Variants in ABTB2 observed in about 807,000 individuals in gnomAD.
The protein encoded by ABTB2 is ankyrin repeat and BTB domain containing 2, also known as ankyrin repeat and BTB/POZ domain-containing protein 2.
In ABTB2, 56 loss-of-function variants were observed where a neutral mutation model predicts 104.1. The observed-to-expected ratio is 0.54, with a 90% confidence interval of 0.43 to 0.67. ABTB2 has a LOEUF of 0.67. ABTB2 is among the 30% of genes least tolerant of loss of function. ABTB2 has a pLI of 0.00. For synonymous variants in ABTB2, 606 were observed against 608.2 expected (o/e 1.00, Z 0.05); for missense variants, 1,279 against 1,407.7 (o/e 0.91, Z 1.46).
chr11:34,235,782 T>C (rs1394068437), intron 1 of ABTB2, among the ~76,000 whole-genome samples: 2 of 152,228 alleles, frequency 1.3e-5, no homozygotes, highest in African/African-American at 4.8e-5. Context: ...TTCTGATCCA[T>C]GCTAGAGGCA....
intron 1 of ABTB2, among the ~76,000 whole-genome samples, chr11:34,331,377 T>C (rs1377079774): frequency 6.6e-6 from 1 of 152,216 alleles, no homozygotes; most frequent in Non-Finnish European, 1.5e-5. Context: ...AACAACCCCA[T>C]CTGAGGTTGC....
intron 1 of ABTB2, 81 bp from the exon 2 acceptor site, chr11:34,204,771 C>T (rs1290968598): frequency 3.5e-6 from 5 of 1,441,936 alleles, no homozygotes; most frequent in Non-Finnish European, 1.9e-6. Context: ...AGGCAGGGCT[C>T]AGCCCTGCTC....
At position 34,154,433 on chromosome 11, in the gene ABTB2, A is replaced by T; in HGVS notation, c.2767-55T>A. 1 of 1,282,748 alleles carries T rather than the reference A, an allele frequency of 7.8e-7. No homozygotes were observed. Among genetic ancestry groups the T allele is most frequent in the Non-Finnish European group, 1.1e-6 (1 of 902,054 alleles). The allele number at this position is 1,282,748 out of a possible 1,614,324, so 79.5% of individuals were successfully genotyped here. ...ACCCATGGCCAGACCAGTGGCCCAG[A>T]CAGCACCGAACAGAAAGCTCCCGAG... is the stretch of plus-strand genomic sequence containing the variant. On this transcript the variant is annotated intron_variant, in intron 15 of 16. Coordinates refer to ENST00000435224, the MANE Select transcript of ABTB2 (RefSeq NM_145804.3). This position sits in a 1 kb window ranked among gnomAD's most constrained non-coding sequence, Gnocchi z 4.9.
At position 34,152,514 on chromosome 11, in the gene ABTB2, T is replaced by A; in HGVS notation, c.2951A>T (p.Glu984Val). 1.9e-6 allele frequency: 3 copies of A among 1,611,428 alleles called. No individual in the cohort carries two copies. Among genetic ancestry groups the A allele is most frequent in the Non-Finnish European group, 2.5e-6 (3 of 1,179,342 alleles). ...FFLKHMKALLEQDAFRQLIYG... is the reference protein window; with the variant it reads ...FFLKHMKALLVQDAFRQLIYG... ...GATGAGCTGCCGGAAGGCATCCTGC[T>A]CCAGTAGGGCCTTCATGTGCTTGAG... is the stretch of plus-strand genomic sequence containing the variant. The change falls in exon 17 of 17, where the codon GAG becomes GTG. Residue 984 changes from glutamate to valine, a missense_variant. Transcript: ENST00000435224.
rs951030454 is a variant in ABTB2, at chr11:34,344,649, A to T, written c.883+12052T>A. Among the ~76,000 whole-genome samples, 8 of 152,160 alleles carry T rather than the reference A, an allele frequency of 5.3e-5. No individual in the cohort carries two copies. In the South Asian group the frequency reaches 1.4e-3, roughly 28 times the overall value. On this transcript the variant is annotated intron_variant, in intron 1 of 16. Transcript: ENST00000435224. ...GTAGCTGGGGCCACAGATGTGCACCATTATACCTGGCTAGTTTTTGTATTT... is the reference window on the plus strand; with the variant it reads ...GTAGCTGGGGCCACAGATGTGCACCTTTATACCTGGCTAGTTTTTGTATTT...
Position 34,154,328 on chromosome 11 carries a change from G to A in ABTB2, c.2817C>T (p.Cys939=), listed in dbSNP as rs369095020. 19 of 1,613,878 alleles carry A rather than the reference G, an allele frequency of 1.2e-5. No homozygotes were observed. The highest frequency in any genetic ancestry group is 1.7e-5 in the Admixed American group (1 of 59,992). ...TGAGGGTCTGGGAGCACAGGATCTC[G>A]CAGTGCCTCTGCAGGGCATCCAGCT... is the stretch of plus-strand genomic sequence containing the variant. ...LFQLDALQRH[C]EILCSQTLSM... The change falls in exon 16 of 17, where the codon TGC becomes TGT. Residue 939 remains cysteine (C), a synonymous_variant. Transcript: ENST00000435224. The surrounding 1 kb of genome is among the most constrained non-coding windows in gnomAD (Gnocchi z 4.9).
intron 1 of ABTB2, among the ~76,000 whole-genome samples, chr11:34,218,625 A>G (rs2092638): frequency 0.77 from 116,100 of 151,736 alleles, 44,872 homozygotes; most frequent in East Asian, 0.86. Context: ...TGAGGTGGGC[A>G]GATCACCTGA....
chr11:34,263,114 T>G (rs1025597335), intron 1 of ABTB2, among the ~76,000 whole-genome samples: 1 of 152,110 alleles, frequency 6.6e-6, no homozygotes, highest in Non-Finnish European at 1.5e-5. Flanking sequence ...TGGTTTTCAT[T>G]AGGTCCTTTG....
rs570088210 is a variant in ABTB2 at position 34,346,221 on chromosome 11, C to T, written c.883+10480G>A. The stretch of plus-strand genomic sequence containing the variant: ...ATACAGCTCTGCCTTTGAAATTCCT[C>T]ACAATGCCTGTCTCTGTCCCACATC... On this transcript the variant is annotated intron_variant, in intron 1 of 16. Transcript: ENST00000435224. Among the ~76,000 whole-genome samples the T allele has an allele frequency of 8.5e-5, 13 of 152,346 alleles. No homozygotes were observed. The South Asian group carries it at 1.9e-3, about 22-fold the overall frequency.
intron 1 of ABTB2, among the ~76,000 whole-genome samples, chr11:34,287,891 A>G (rs983150438): frequency 2.0e-5 from 3 of 152,090 alleles, no homozygotes; most frequent in Non-Finnish European, 4.4e-5. Flanking sequence ...GAAAGGATGC[A>G]TGTTCCACAG....
At chr11:34,266,138 A>AGTGGTGCGATCATAGCTCATC (rs1854246254) in intron 1 of ABTB2, among the ~76,000 whole-genome samples, 1 of 152,188 alleles carries the variant, frequency 6.6e-6, no homozygotes, top group Non-Finnish European at 1.5e-5. Context: ...GCTGGAGTGC[A>AGTGGTGCGATCATAGCTCATC]GTGGTGCGAT....
At chr11:34,282,693 A>G (rs1328351870) in intron 1 of ABTB2, among the ~76,000 whole-genome samples, 3 of 149,830 alleles carry the variant, frequency 2.0e-5, no homozygotes, top group African/African-American at 7.4e-5. Context: ...CACCTGGCTA[A>G]TTTTTTTTTC....
In ABTB2 at chr11:34,204,561, C is replaced by T; in HGVS notation, c.1013G>A (p.Gly338Asp). 1.2e-6 allele frequency: 2 copies of T among 1,611,642 alleles called. No homozygotes were observed. Among genetic ancestry groups the T allele is most frequent in the Non-Finnish European group, 8.5e-7 (1 of 1,179,338 alleles). Residue 338 changes from glycine to aspartate, a missense_variant, in exon 2 of 17, where the codon GGC (glycine) becomes GAC (aspartate). Coordinates refer to ENST00000435224, the MANE Select transcript of ABTB2 (RefSeq NM_145804.3). Reference protein sequence around the residue: ...LEQSLLATCVGSISELSDLVS... With the variant: ...LEQSLLATCVDSISELSDLVS... ...ACACTTACTCAGCTCCGAGATGCTG[C>T]CCACGCAGGTGGCCAGGAGGGACTG...
chr11:34,269,483 T>C (rs1478314744), intron 1 of ABTB2, among the ~76,000 whole-genome samples: 2 of 152,246 alleles, frequency 1.3e-5, no homozygotes, highest in Non-Finnish European at 2.9e-5. Flanking sequence ...CACAGCTTGG[T>C]AAGCTTTCTC....
intron 2 of ABTB2, among the ~76,000 whole-genome samples, chr11:34,199,108 G>A (rs1181923273): frequency 6.6e-6 from 1 of 152,170 alleles, no homozygotes; most frequent in Non-Finnish European, 1.5e-5. Context: ...CAGATATTTG[G>A]AGAATGAAGA....
At chr11:34,310,386 CCT>C (rs1383430262) in intron 1 of ABTB2, among the ~76,000 whole-genome samples, 1 of 152,118 alleles carries the variant, frequency 6.6e-6, no homozygotes, top group Non-Finnish European at 1.5e-5. Flanking sequence ...TCCCTGCAAC[CCT>C]CTGAGTTTCG....
At position 34,313,917 on chromosome 11, in the gene ABTB2, T is replaced by A. The variant is rs1247580512; in HGVS notation, c.883+42784A>T. 2.0e-5 allele frequency among the ~76,000 whole-genome samples: 3 copies of A among 152,340 alleles called. No individual in the cohort carries two copies. The South Asian group carries it at 6.2e-4, about 32-fold the overall frequency. On this transcript the variant is annotated intron_variant, in intron 1 of 16. Transcript: ENST00000435224. ...AGCAAGGGACTTGCCCCAGCACTGC[T>A]GACGTTAAGGCCGAGTTCTCCTTCA...
chr11:34,230,571 C>T lies in ABTB2; in HGVS notation c.884-25881G>A, dbSNP rs375944573. Among the ~76,000 whole-genome samples the T allele has an allele frequency of 5.3e-5, 8 of 152,040 alleles. No homozygotes were observed. The East Asian group carries it at 7.7e-4, about 15-fold the overall frequency. On this transcript the variant is annotated intron_variant, in intron 1 of 16. Transcript: ENST00000435224. ...GTAAGTTGACGATGGGGAGAGTTGC[C>T]CCCTTACAGTCCCTAAATGCTGATG...
chr11:34,289,091 T>C (rs1854536767), intron 1 of ABTB2, among the ~76,000 whole-genome samples: 1 of 152,204 alleles, frequency 6.6e-6, no homozygotes, highest in Non-Finnish European at 1.5e-5. Context: ...CTATGAACAG[T>C]TAAGTTCTGA....
Sources: gnomAD v4.1 joint callset for allele counts (sites outside exome capture counted in the v4.1 genomes callset) on GRCh38, gnomAD v4.1.1 for gene constraint, Gnocchi (gnomAD v3.1) non-coding constraint, MANE v1.5 for transcripts, NCBI Gene and HGNC (gene_info 2026-07-23, HGNC 2026-07-21) for gene names.